Variants in ACTN4 observed in about 807,000 individuals in gnomAD.
ACTN4 encodes alpha-actinin-4.
ACTN4 carries 18 observed loss-of-function variants against 114.2 expected under a neutral mutation model. That is an observed-to-expected ratio of 0.16 (90% CI 0.11 to 0.23). ACTN4 has a LOEUF of 0.23. ACTN4 is among the 10% of genes least tolerant of loss of function. The pLI is 1.00. For synonymous variants in ACTN4, 515 were observed against 506.3 expected, an observed-to-expected ratio of 1.02 and a Z score of -0.23; for missense variants, 722 against 1,262.9, an observed-to-expected ratio of 0.57 and a Z score of 6.49.
chr19:38,713,978 C>T (rs1250362418), intron 8 of ACTN4, among the ~76,000 whole-genome samples: 2 of 152,218 alleles, frequency 1.3e-5, no homozygotes, highest in African/African-American at 4.8e-5. Flanking sequence ...CTCCTATTAA[C>T]ATTGCCTCCA....
chr19:38,723,609 C>T lies in ACTN4; in HGVS notation c.1443-5C>T, dbSNP rs748819266. 49 of 1,604,542 alleles carry T rather than the reference C, an allele frequency of 3.1e-5. No homozygotes were observed. The Admixed American group carries it at 4.1e-4, about 13-fold the overall frequency. ...GAGTCTCATTGCTCTCTGCCCGGCC[C>T]GCAGCGAGCTGGATTACTACGACTC... On this transcript the variant is annotated splice_region_variant and splice_polypyrimidine_tract_variant and intron_variant, in intron 12 of 20. Coordinates refer to ENST00000252699, the MANE Select transcript of ACTN4 (RefSeq NM_004924.6).
chr19:38,692,928 C>T (rs1429716843), intron 1 of ACTN4, among the ~76,000 whole-genome samples: 4 of 152,138 alleles, frequency 2.6e-5, no homozygotes, highest in Non-Finnish European at 4.4e-5. Context: ...AAACCCTACA[C>T]GGTATTTCAG....
intron 1 of ACTN4, among the ~76,000 whole-genome samples, chr19:38,673,567 T>TATATAAA (rs1568689910): frequency 5.3e-5 from 5 of 94,142 alleles, no homozygotes; most frequent in Non-Finnish European, 1.0e-4. Context: ...TTATATATAT[T>TATATAAA]TATATATATT....
chr19:38,650,899 C>T (rs1032906774), intron 1 of ACTN4, among the ~76,000 whole-genome samples: 1 of 152,146 alleles, frequency 6.6e-6, no homozygotes, highest in Non-Finnish European at 1.5e-5. Context: ...CCACGCCTGG[C>T]TTTTTGTATT....
At chr19:38,680,217 T>TG (rs1967515930) in intron 1 of ACTN4, among the ~76,000 whole-genome samples, 1 of 23,168 alleles carries the variant, frequency 4.3e-5, no homozygotes, top group South Asian at 1.7e-3. Context: ...AGGAAGTTTT[T>TG]TTTTTTTTTT....
chr19:38,730,879 CTAAGGAAGA>C lies in ACTN4; in HGVS notation c.*1448_*1456del. On this transcript the variant is annotated 3_prime_UTR_variant, in exon 21 of 21. Transcript: ENST00000252699. Reference sequence around the variant, plus strand: ...AGGAGAAGGTGGCCACCTCCATCCACTAAGGAAGAGAAGGAAGACAGTGGCTTGAGGCAG... The same window carrying C: ...AGGAGAAGGTGGCCACCTCCATCCACGAAGGAAGACAGTGGCTTGAGGCAG... 1 of 1,551,764 alleles carries C rather than the reference CTAAGGAAGA, an allele frequency of 6.4e-7. No individual in the cohort carries two copies. The highest frequency in any genetic ancestry group is 8.7e-7 in the Non-Finnish European group (1 of 1,147,500).
chr19:38,648,997 G>T (rs1328107431), intron 1 of ACTN4, among the ~76,000 whole-genome samples: 1 of 151,760 alleles, frequency 6.6e-6, no homozygotes, highest in Non-Finnish European at 1.5e-5. Context: ...ATTTGAGGAG[G>T]GGGTGCTGGC....
At chr19:38,706,272 A>C in intron 5 of ACTN4, 141 bp downstream of exon 5, 1 of 866,282 alleles carries the variant, frequency 1.2e-6, no homozygotes, top group Non-Finnish European at 1.9e-6. Flanking sequence ...CGGGCCCTAC[A>C]AGCCCATGGG....
Position 38,724,531 on chromosome 19 carries a change from A to G in ACTN4, c.1976A>G (p.Asn659Ser), listed in dbSNP as rs1435582633. The part of the protein sequence containing the change: ...HLRRQFASQA[N>S]VVGPWIQTKM... ...CGCCGCCAGTTCGCCAGCCAGGCCA[A>G]TGTTGTGGGGCCCTGGATCCAGACC... is the stretch of plus-strand genomic sequence containing the variant. Residue 659 changes from asparagine to serine, a missense_variant, in exon 16 of 21, where the codon AAT becomes AGT. Coordinates refer to ENST00000252699, the MANE Select transcript of ACTN4 (RefSeq NM_004924.6). This position sits in a 1 kb window ranked among gnomAD's most constrained non-coding sequence, Gnocchi z 7.0. The G allele has an allele frequency of 6.2e-7, 1 of 1,613,696 alleles. No homozygotes were observed. The highest frequency in any genetic ancestry group is 2.2e-5 in the East Asian group (1 of 44,882).
chr19:38,729,205 C>G (rs1969382916), intron 20 of ACTN4, 51 bp downstream of exon 20: 1 of 1,612,634 alleles, frequency 6.2e-7, no homozygotes, highest in South Asian at 1.1e-5. Context: ...GGGGTCCCTG[C>G]AGTGGGAGGG....
At chr19:38,714,387 A>C in intron 8 of ACTN4, 82 bp from the exon 9 acceptor site, 1 of 1,297,434 alleles carries the variant, frequency 7.7e-7, no homozygotes, top group Non-Finnish European at 1.1e-6. Context: ...TGGGCCATGG[A>C]CCAGCTGCTT....
intron 1 of ACTN4, among the ~76,000 whole-genome samples, chr19:38,673,601 A>T (rs1967240822): frequency 9.5e-6 from 1 of 105,106 alleles, no homozygotes; most frequent in South Asian, 2.7e-4. Context: ...ATATATTCAT[A>T]TATATTCATT....
Position 38,708,222 on chromosome 19 carries a change from G to C in ACTN4, c.651+27G>C, listed in dbSNP as rs199704437. ...TGAGTGTCTCCAGCTCCCCTTGATG[G>C]CCCACAGACGTGCCCTGTCTGACCC... On this transcript the variant is annotated intron_variant, in intron 6 of 20. Coordinates refer to ENST00000252699, the MANE Select transcript of ACTN4 (RefSeq NM_004924.6). 34 of 1,611,696 alleles carry C rather than the reference G, an allele frequency of 2.1e-5. No individual in the cohort carries two copies. The African/African-American group carries it at 4.5e-4, about 21-fold the overall frequency.
intron 1 of ACTN4, among the ~76,000 whole-genome samples, chr19:38,688,774 C>CA (rs1967829809): frequency 6.6e-6 from 1 of 152,054 alleles, no homozygotes; most frequent in African/African-American, 2.4e-5. Flanking sequence ...ACTGCACACC[C>CA]ACCATGATGG....
chr19:38,703,476 G>A (rs536774226), intron 3 of ACTN4, among the ~76,000 whole-genome samples: 3 of 152,202 alleles, frequency 2.0e-5, no homozygotes, highest in South Asian at 2.1e-4. Context: ...GACCTCAGGC[G>A]ATCCACACCT....
At chr19:38,668,459 G>T (rs952901621) in intron 1 of ACTN4, among the ~76,000 whole-genome samples, 1 of 152,156 alleles carries the variant, frequency 6.6e-6, no homozygotes, top group African/African-American at 2.4e-5. Context: ...AGGCCAAGGC[G>T]CACAGATCAC....
chr19:38,727,225 C>T lies in ACTN4; in HGVS notation c.2337+122C>T. On this transcript the variant is annotated intron_variant, in intron 18 of 20. Transcript: ENST00000252699. This position sits in a 1 kb window ranked among gnomAD's most constrained non-coding sequence, Gnocchi z 5.4. The stretch of plus-strand genomic sequence containing the variant: ...GTTGCTGAGCGTCGGCCGCCACTCC[C>T]AGGGCCAGCAGGGCCCTGCCACTGT... 1 of 1,424,104 alleles carries T rather than the reference C, an allele frequency of 7.0e-7. No homozygotes were observed. The highest frequency in any genetic ancestry group is 1.2e-5 in the South Asian group (1 of 82,186). The allele number at this position is 1,424,104 out of a possible 1,614,324, so 88.2% of individuals were successfully genotyped here.
chr19:38,673,558 T>TATATATATTTATATATATTC lies in ACTN4; in HGVS notation c.162+25681_162+25700dup, dbSNP rs1334804138. Among the ~76,000 whole-genome samples, 39 of 86,294 alleles carry TATATATATTTATATATATTC rather than the reference T, an allele frequency of 4.5e-4. 2 individuals are homozygous for TATATATATTTATATATATTC. The highest frequency in any genetic ancestry group is 7.4e-4 in the Non-Finnish European group (31 of 41,924). 56.6% of individuals were successfully genotyped at this position (86,294 alleles called of 152,430 possible). A position where few individuals can be genotyped will look rare whatever the true frequency, so the allele number is the denominator to read the frequency against. ...ATACTTATATATATTTATATATACT[T>TATATATATTTATATATATTC]ATATATATTTATATATATTCATATA... On this transcript the variant is annotated intron_variant, in intron 1 of 20. Coordinates refer to ENST00000252699, the MANE Select transcript of ACTN4 (RefSeq NM_004924.6).
Position 38,731,470 on chromosome 19 carries a change from C to G in ACTN4, c.*2038C>G, listed in dbSNP as rs1969605632. 3.6e-6 allele frequency: 2 copies of G among 558,992 alleles called. No homozygotes were observed. The highest frequency in any genetic ancestry group is 6.5e-6 in the Non-Finnish European group (2 of 309,364). The allele number at this position is 558,992 out of a possible 1,614,324, so 34.6% of individuals were successfully genotyped here. On this transcript the variant is annotated 3_prime_UTR_variant, in exon 21 of 21. Transcript: ENST00000252699. ...GAAGACAGAACGCTCAGGACAGCGT[C>G]TGACACGTGACTCGATGTGTGGGTA...
Sources: allele counts gnomAD v4.1 joint callset (sites outside exome capture counted in the v4.1 genomes callset), GRCh38; gene constraint gnomAD v4.1.1; non-coding constraint Gnocchi (gnomAD v3.1); transcripts MANE v1.5; gene names NCBI Gene and HGNC (gene_info 2026-07-23, HGNC 2026-07-21).